The following PCYT1B variants were observed in gnomAD, a reference collection of about 807,000 sequenced individuals.
The protein encoded by PCYT1B is phosphate cytidylyltransferase 1B, choline, also known as choline-phosphate cytidylyltransferase B.
Under a neutral mutation model 26.4 loss-of-function variants are expected in PCYT1B, and 10 were observed. The ratio of observed to expected loss-of-function variants is 0.38; its 90% CI spans 0.23 to 0.64. The LOEUF is 0.64. Among genes scored for constraint, PCYT1B ranks in the 30% least tolerant of loss-of-function variants. The pLI, the probability that PCYT1B is intolerant of heterozygous loss-of-function variation, is 0.56. For synonymous variants in PCYT1B, 131 were observed against 108.4 expected (o/e 1.21, Z -1.29); for missense variants, 161 against 292.7 (o/e 0.55, Z 3.28).
intron 3 of PCYT1B, among the ~76,000 whole-genome samples, chrX:24,602,108 G>A (rs1256787264): frequency 8.9e-6 from 1 of 112,111 alleles, no homozygotes. Context: ...GATGTCCTTC[G>A]GCAGATGAAT....
Position 24,562,500 on chromosome X carries a change from C to A in PCYT1B, c.903G>T (p.Gln301His), listed in dbSNP as rs895248853. The A allele has an allele frequency of 1.7e-6, 2 of 1,196,545 alleles. No homozygotes were observed. Among genetic ancestry groups the A allele is most frequent in the African/African-American group, 3.5e-5 (2 of 56,880 alleles). Reference sequence around the variant, plus strand: ...TCCGGCTGCTCCTCTCCTGGAACATCTGCTTCTAAAGATAAATTGGAGAGA... The same window carrying A: ...TCCGGCTGCTCCTCTCCTGGAACATATGCTTCTAAAGATAAATTGGAGAGA... ...ELFGPDGAWK[Q>H]MFQERSSRML... The change falls in exon 8 of 8, where the codon CAG (glutamine) becomes CAT (histidine). Residue 301 changes from glutamine (Q) to histidine (H), a missense_variant. By Grantham distance (24) the Gln-to-His change is conservative. This residue lies in a region of PCYT1B where 7 missense variants were observed against 40.9 expected (regional missense o/e 0.17). Coordinates refer to ENST00000379144, the MANE Select transcript of PCYT1B (RefSeq NM_004845.5).
At chrX:24,569,057 C>T (rs1470444800) in intron 7 of PCYT1B, among the ~76,000 whole-genome samples, 1 of 111,133 alleles carries the variant, frequency 9.0e-6, no homozygotes, top group African/African-American at 3.3e-5. Flanking sequence ...CGAGATTGCA[C>T]CATTGCACTC....
intron 3 of PCYT1B, among the ~76,000 whole-genome samples, chrX:24,593,100 T>C (rs777948660): frequency 9.0e-6 from 1 of 111,522 alleles, no homozygotes; most frequent in South Asian, 3.8e-4. Flanking sequence ...CCATGACACT[T>C]GTCTCATGTA....
intron 4 of PCYT1B, 72 bp downstream of exon 4, chrX:24,589,951 T>C (rs994594982): frequency 3.5e-5 from 31 of 896,177 alleles, no homozygotes; most frequent in Non-Finnish European, 4.7e-5. Context: ...ACTTTGGGCT[T>C]TCCGTAGTCT....
intron 2 of PCYT1B, among the ~76,000 whole-genome samples, chrX:24,617,281 T>A (rs1429283231): frequency 1.8e-5 from 2 of 110,428 alleles, no homozygotes; most frequent in African/African-American, 6.6e-5. Context: ...ATAAAGATCT[T>A]AATACATAGT....
chrX:24,587,634 T>TAATTCTTTGAATTTTTATC (rs1924413293), intron 4 of PCYT1B, among the ~76,000 whole-genome samples: 2 of 112,074 alleles, frequency 1.8e-5, no homozygotes, highest in Admixed American at 1.9e-4. Flanking sequence ...GAGAACTCAT[T>TAATTCTTTGAATTTTTATC]AATTCTTTGA....
intron 7 of PCYT1B, among the ~76,000 whole-genome samples, chrX:24,563,920 G>A (rs1350717797): frequency 9.0e-6 from 1 of 111,670 alleles, no homozygotes; most frequent in Non-Finnish European, 1.9e-5. Flanking sequence ...GGTGGCTTAT[G>A]CCTGCAATCC....
intron 1 of PCYT1B, among the ~76,000 whole-genome samples, chrX:24,655,784 AAAAAC>A (rs1165732413): frequency 2.8e-5 from 3 of 107,594 alleles, no homozygotes; most frequent in Non-Finnish European, 5.8e-5. Flanking sequence ...ACCCTGTGTC[AAAAAC>A]AAAACAAAAC....
intron 1 of PCYT1B, among the ~76,000 whole-genome samples, chrX:24,644,484 ACACACG>A (rs1387950502): frequency 3.0e-5 from 3 of 100,445 alleles, no homozygotes; most frequent in Non-Finnish European, 6.3e-5. Flanking sequence ...ACACACACAC[ACACACG>A]AAACCAGAAC....
In PCYT1B at chrX:24,560,746, T is replaced by TATCA. The variant is rs1165273571; in HGVS notation, c.*1543_*1546dup. The TATCA allele has an allele frequency of 8.9e-6, 1 of 112,251 alleles. No homozygotes were observed. Among genetic ancestry groups the TATCA allele is most frequent in the Non-Finnish European group, 1.9e-5 (1 of 53,218 alleles). The allele number at this position is 112,251 out of a possible 1,213,427, so 9.3% of individuals were successfully genotyped here. Reference sequence around the variant, plus strand: ...CAAGGCCTCTGAAAAGGGGTATTTCTATCACAAGAGATTCTGGGCTCTGCC... The same window carrying TATCA: ...CAAGGCCTCTGAAAAGGGGTATTTCTATCAATCACAAGAGATTCTGGGCTCTGCC... On this transcript the variant is annotated 3_prime_UTR_variant, in exon 8 of 8. Transcript: ENST00000379144.
chrX:24,643,236 T>C (rs1049542164), intron 1 of PCYT1B, among the ~76,000 whole-genome samples: 3 of 111,089 alleles, frequency 2.7e-5, no homozygotes, highest in Non-Finnish European at 5.7e-5. Context: ...TGGGAAGATA[T>C]GAGGACACAG....
upstream of PCYT1B, among the ~76,000 whole-genome samples, chrX:24,648,449 ATTTTTTT>A (rs57744798): frequency 7.6e-5 from 3 of 39,723 alleles, no homozygotes; most frequent in Non-Finnish European, 1.2e-4. Context: ...ATTTGAAGGA[ATTTTTTT>A]TTTTTTTTTT....
In PCYT1B at chrX:24,585,781, A is replaced by AT. The variant is rs943503583; in HGVS notation, c.565+1459dup. On this transcript the variant is annotated intron_variant, in intron 5 of 7. Transcript: ENST00000379144. Reference sequence around the variant, plus strand: ...CTGAATGATTTCACATGTCAAGTGTATTTTTTTTTTCTGTCAGCTGTGGAA... The same window carrying AT: ...CTGAATGATTTCACATGTCAAGTGTATTTTTTTTTTTCTGTCAGCTGTGGAA... 7.4e-3 allele frequency among the ~76,000 whole-genome samples: 809 copies of AT among 108,592 alleles called. 11 individuals carry two copies. The highest frequency in any genetic ancestry group is 0.026 in the African/African-American group (782 of 29,899). 94.3% of individuals were successfully genotyped at this position (108,592 alleles called of 115,157 possible). A position where few individuals can be genotyped will look rare whatever the true frequency, so the allele number is the denominator to read the frequency against.
chrX:24,641,726 C>T (rs1292295441), intron 1 of PCYT1B, among the ~76,000 whole-genome samples: 7 of 112,363 alleles, frequency 6.2e-5, no homozygotes, highest in African/African-American at 2.3e-4. Context: ...TTTTATATTG[C>T]ATGCTGACAT....
chrX:24,585,623 A>T (rs1346920730), intron 5 of PCYT1B, among the ~76,000 whole-genome samples: 1 of 111,105 alleles, frequency 9.0e-6, no homozygotes, highest in African/African-American at 3.3e-5. Flanking sequence ...CTGATGGCTA[A>T]GCAGGTCTTG....
At chrX:24,641,783 C>T (rs1303343305) in intron 1 of PCYT1B, among the ~76,000 whole-genome samples, 1 of 112,031 alleles carries the variant, frequency 8.9e-6, no homozygotes, top group Non-Finnish European at 1.9e-5. Flanking sequence ...ACCTTTAAAA[C>T]TGTGGCCACT....
intron 1 of PCYT1B, among the ~76,000 whole-genome samples, chrX:24,644,851 G>A (rs1926573649): frequency 8.9e-6 from 1 of 111,926 alleles, no homozygotes; most frequent in African/African-American, 3.3e-5. Context: ...CCTGAGGGCA[G>A]GAGTTCGAGA....
intron 1 of PCYT1B, among the ~76,000 whole-genome samples, chrX:24,636,458 C>T (rs1719205840): frequency 1.8e-5 from 2 of 111,515 alleles, no homozygotes; most frequent in South Asian, 7.5e-4. Flanking sequence ...ACTAAAAATA[C>T]AAAAATTAGC....
At chrX:24,662,362 C>T (rs1927045450) in intron 1 of PCYT1B, among the ~76,000 whole-genome samples, 1 of 111,603 alleles carries the variant, frequency 9.0e-6, no homozygotes, top group Non-Finnish European at 1.9e-5. Flanking sequence ...TTTGTTGTCA[C>T]ATCTTGGGGC....
Sources: allele counts gnomAD v4.1 joint callset (sites outside exome capture counted in the v4.1 genomes callset), GRCh38; gene constraint gnomAD v4.1.1; regional missense constraint gnomAD v4.1.1; transcripts MANE v1.5; gene names NCBI Gene and HGNC (gene_info 2026-07-23, HGNC 2026-07-21).